Variants in FHOD3 observed in about 807,000 individuals in gnomAD.
FHOD3 encodes FH1/FH2 domain-containing protein 3.
A neutral mutation model predicts 173.0 loss-of-function variants in FHOD3; 90 were observed. The observed-to-expected ratio is 0.52, with a 90% CI of 0.44 to 0.62. FHOD3 has a LOEUF of 0.62. FHOD3 is among the 20% of genes least tolerant of loss of function. FHOD3 has a pLI of 0.00. For synonymous variants in FHOD3, 828 were observed against 823.0 expected, an observed-to-expected ratio of 1.01 and a Z score of -0.10; for missense variants, 1,945 against 2,034.7, an observed-to-expected ratio of 0.96 and a Z score of 0.85.
chr18:36,460,313 A>G (rs2052476314), intron 3 of FHOD3, among the ~76,000 whole-genome samples: 1 of 152,152 alleles, frequency 6.6e-6, no homozygotes, highest in Non-Finnish European at 1.5e-5. Context: ...GGCAGAATGG[A>G]AGATTTGTTT....
At chr18:36,589,087 G>T (rs1051526578) in intron 6 of FHOD3, among the ~76,000 whole-genome samples, 1 of 152,186 alleles carries the variant, frequency 6.6e-6, no homozygotes, top group Non-Finnish European at 1.5e-5. Context: ...AGTGCAAAAT[G>T]ATAGCTGCAA....
chr18:36,515,674 C>G (rs2055932325), intron 5 of FHOD3, among the ~76,000 whole-genome samples: 1 of 152,204 alleles, frequency 6.6e-6, no homozygotes, highest in African/African-American at 2.4e-5. Flanking sequence ...CTATGACATG[C>G]CAAGAAGGTG....
At chr18:36,546,712 G>A (rs2057423461) in intron 5 of FHOD3, among the ~76,000 whole-genome samples, 1 of 152,108 alleles carries the variant, frequency 6.6e-6, no homozygotes, top group Admixed American at 6.5e-5. Flanking sequence ...GGGTGTTTTG[G>A]TTCACGTTCT....
At chr18:36,723,836 A>G (rs1177025919) in intron 19 of FHOD3, among the ~76,000 whole-genome samples, 3 of 152,236 alleles carry the variant, frequency 2.0e-5, no homozygotes. Flanking sequence ...AAGGGGCAAT[A>G]TGATGTGGCA....
At chr18:36,653,023 T>A (rs1311441739) in intron 12 of FHOD3, 94 bp downstream of exon 12, 25 of 1,431,364 alleles carry the variant, frequency 1.7e-5, no homozygotes, top group Admixed American at 5.5e-5. Flanking sequence ...TCTGCCATGT[T>A]TTTTTGTGGA....
intron 4 of FHOD3, among the ~76,000 whole-genome samples, chr18:36,511,659 A>G (rs1254320798): frequency 1.3e-5 from 2 of 152,104 alleles, no homozygotes; most frequent in African/African-American, 4.8e-5. Context: ...GCCTCCCGCT[A>G]GAGATTCCTA....
intron 7 of FHOD3, 123 bp from the exon 8 acceptor site, chr18:36,602,551 G>C (rs1599832929): frequency 1.3e-6 from 1 of 764,582 alleles, no homozygotes; most frequent in East Asian, 2.6e-5. Context: ...GTCACACTTT[G>C]AAATTTGGTG....
At chr18:36,616,320 C>G (rs1359404037) in intron 9 of FHOD3, among the ~76,000 whole-genome samples, 1 of 152,174 alleles carries the variant, frequency 6.6e-6, no homozygotes, top group Non-Finnish European at 1.5e-5. Flanking sequence ...ACTGTATATT[C>G]AGAGGCCAGC....
At chr18:36,425,842 T>A (rs575661360) in intron 3 of FHOD3, among the ~76,000 whole-genome samples, 13 of 152,284 alleles carry the variant, frequency 8.5e-5, no homozygotes, top group Middle Eastern at 3.4e-3. Flanking sequence ...GACACATACT[T>A]ATATGCATGT....
chr18:36,547,932 C>A (rs1197357553), intron 5 of FHOD3, among the ~76,000 whole-genome samples: 1 of 152,208 alleles, frequency 6.6e-6, no homozygotes, highest in Non-Finnish European at 1.5e-5. Flanking sequence ...GTGGCTCACG[C>A]TTGTAATCCT....
intron 19 of FHOD3, among the ~76,000 whole-genome samples, chr18:36,728,249 G>A (rs764983093): frequency 3.3e-5 from 5 of 152,182 alleles, no homozygotes; most frequent in Non-Finnish European, 7.3e-5. Flanking sequence ...AGCAGTGCCC[G>A]GAGAAGCAGG....
At chr18:36,386,975 G>T (rs1051874023) in intron 3 of FHOD3, among the ~76,000 whole-genome samples, 14 of 152,194 alleles carry the variant, frequency 9.2e-5, no homozygotes, top group African/African-American at 3.4e-4. Flanking sequence ...TAGAATCTAA[G>T]ATTAAATATT....
At chr18:36,357,637 A>G (rs185221703) in intron 2 of FHOD3, among the ~76,000 whole-genome samples, 3 of 152,320 alleles carry the variant, frequency 2.0e-5, no homozygotes, top group Non-Finnish European at 2.9e-5. Flanking sequence ...AATTAACACT[A>G]TTAGGCTGAT....
intron 8 of FHOD3, among the ~76,000 whole-genome samples, chr18:36,609,237 A>G (rs1029107624): frequency 6.6e-6 from 1 of 152,210 alleles, no homozygotes; most frequent in Non-Finnish European, 1.5e-5. Context: ...TTTCCTGGGG[A>G]AGCTGCCATT....
At chr18:36,330,635 A>G (rs1417822939) in intron 1 of FHOD3, among the ~76,000 whole-genome samples, 4 of 152,144 alleles carry the variant, frequency 2.6e-5, no homozygotes, top group Non-Finnish European at 5.9e-5. Context: ...GGAGGGATCA[A>G]GCCTGTGAAA....
chr18:36,402,041 G>T (rs952470360), intron 3 of FHOD3, among the ~76,000 whole-genome samples: 1 of 152,112 alleles, frequency 6.6e-6, no homozygotes, highest in Non-Finnish European at 1.5e-5. Context: ...TGTTTTTAAG[G>T]CAGGAAACTT....
At chr18:36,720,394 C>T (rs933550943) in intron 19 of FHOD3, among the ~76,000 whole-genome samples, 5 of 151,842 alleles carry the variant, frequency 3.3e-5, no homozygotes, top group African/African-American at 7.3e-5. Flanking sequence ...CCCACTGCTA[C>T]ACCCAGCTAA....
At chr18:36,349,039 C>G (rs1176074602) in intron 1 of FHOD3, among the ~76,000 whole-genome samples, 1 of 152,170 alleles carries the variant, frequency 6.6e-6, no homozygotes, top group African/African-American at 2.4e-5. Context: ...GCCTGTGAGT[C>G]AACTGGAAAG....
chr18:36,331,148 C>T (rs912916468), intron 1 of FHOD3, among the ~76,000 whole-genome samples: 4 of 152,152 alleles, frequency 2.6e-5, no homozygotes, highest in Non-Finnish European at 5.9e-5. Context: ...AAACTCTAAA[C>T]AATAACATAC....
Sources: gnomAD v4.1 joint callset for allele counts (sites outside exome capture counted in the v4.1 genomes callset) on GRCh38, gnomAD v4.1.1 for gene constraint, MANE v1.5 for transcripts, NCBI Gene and HGNC (gene_info 2026-07-23, HGNC 2026-07-21) for gene names.